Variants in ABCB5 observed in about 807,000 individuals in gnomAD.
ABCB5 encodes ATP binding cassette subfamily B member 5.
ABCB5 carries 155 observed loss-of-function variants against 144.2 expected under a neutral mutation model. The observed-to-expected ratio is 1.08, with a 90% CI of 0.94 to 1.23. The LOEUF (loss-of-function observed/expected upper bound fraction) is 1.23. Among genes scored for constraint, ABCB5 ranks in the 50% most tolerant of loss-of-function variants. ABCB5 has a pLI of 0.00. For missense variants in ABCB5, 1,830 were observed against 1,520.8 expected, an observed-to-expected ratio of 1.20 and a Z score of -3.38; for synonymous variants, 610 against 528.6, an observed-to-expected ratio of 1.15 and a Z score of -2.11.
rs1436496420 is a variant in ABCB5, at chr7:20,681,504, G to C, written c.1708-1G>C. 1 of 1,613,934 alleles carries C rather than the reference G, an allele frequency of 6.2e-7. No individual in the cohort carries two copies. The highest frequency in any genetic ancestry group is 8.5e-7 in the Non-Finnish European group (1 of 1,179,924). Reference sequence around the variant, plus strand: ...TATTTTCTATGCATTTTATTCTGTAGGCGAGCAAAGGTCGGACTACAATCG... The same window carrying C: ...TATTTTCTATGCATTTTATTCTGTACGCGAGCAAAGGTCGGACTACAATCG... On this transcript the variant is annotated splice_acceptor_variant, in intron 14 of 27. Coordinates refer to ENST00000404938, the MANE Select transcript of ABCB5 (RefSeq NM_001163941.2). LOFTEE classifies it high-confidence loss of function.
intron 2 of ABCB5, among the ~76,000 whole-genome samples, chr7:20,623,580 C>G (rs186672378): frequency 3.1e-4 from 47 of 152,250 alleles, no homozygotes; most frequent in African/African-American, 1.1e-3. Flanking sequence ...CTTCAGATAT[C>G]TCCTCTTCTG....
chr7:20,657,018 C>A (rs2128029014), intron 13 of ABCB5, among the ~76,000 whole-genome samples: 1 of 150,654 alleles, frequency 6.6e-6, no homozygotes, highest in South Asian at 2.1e-4. Context: ...GGCTCCCAGG[C>A]TCAGGCAGTC....
chr7:20,735,434 C>G (rs1782352683), intron 23 of ABCB5, among the ~76,000 whole-genome samples: 1 of 152,102 alleles, frequency 6.6e-6, no homozygotes, highest in Non-Finnish European at 1.5e-5. Context: ...GGCTGGGCAG[C>G]CAGGGAAGAA....
In ABCB5 at chr7:20,749,136, T is replaced by G. The variant is rs1782829812; in HGVS notation, c.3429+3698T>G. On this transcript the variant is annotated intron_variant, in intron 26 of 27. Coordinates refer to ENST00000404938, the MANE Select transcript of ABCB5 (RefSeq NM_001163941.2). ...TCCTTTCTCTCTCTCTTTCCCTTTC[T>G]TTTCCTCCCTCCCTCCCTCTCTCTC... Among the ~76,000 whole-genome samples the G allele has an allele frequency of 1.4e-5, 2 of 139,122 alleles. 1 individual carries two copies. The highest frequency in any genetic ancestry group is 4.9e-5 in the African/African-American group (2 of 40,438). 91.3% of individuals were successfully genotyped at this position (139,122 alleles called of 152,430 possible). A position where few individuals can be genotyped will look rare whatever the true frequency, so the allele number is the denominator to read the frequency against.
At chr7:20,668,342 G>A (rs1362588895) in intron 14 of ABCB5, among the ~76,000 whole-genome samples, 5 of 131,308 alleles carry the variant, frequency 3.8e-5, no homozygotes, top group East Asian at 2.5e-4. Flanking sequence ...GCCGCCCATC[G>A]TCTGAGATGT....
chr7:20,659,070 C>A (rs200795180), intron 14 of ABCB5: 6 of 1,613,922 alleles, frequency 3.7e-6, no homozygotes, highest in Non-Finnish European at 5.1e-6. Context: ...CTTTAGGATA[C>A]CCCCAGGTAT....
At position 20,733,182 on chromosome 7, in the gene ABCB5, C is replaced by CATTATT. The variant is rs374670890; in HGVS notation, c.2867+4747_2867+4752dup. On this transcript the variant is annotated intron_variant, in intron 23 of 27. Coordinates refer to ENST00000404938, the MANE Select transcript of ABCB5 (RefSeq NM_001163941.2). Reference sequence around the variant, plus strand: ...CCAGAGGTTTGGTTTACTCAACGTACATTATTATTATTATTATTATTATTA... The same window carrying CATTATT: ...CCAGAGGTTTGGTTTACTCAACGTACATTATTATTATTATTATTATTATTATTATTA... Among the ~76,000 whole-genome samples the CATTATT allele has an allele frequency of 5.9e-3, 896 of 151,098 alleles. 4 individuals are homozygous for CATTATT. Among genetic ancestry groups the CATTATT allele is most frequent in the African/African-American group, 0.021 (848 of 41,180 alleles).
chr7:20,713,357 T>A (rs1400316870), intron 20 of ABCB5, among the ~76,000 whole-genome samples: 1 of 148,992 alleles, frequency 6.7e-6, no homozygotes, highest in Non-Finnish European at 1.5e-5. Flanking sequence ...CTGCCTCAGC[T>A]TTCCATGCAG....
At chr7:20,632,001 A>C (rs756560999) in intron 4 of ABCB5, 58 bp from the exon 5 acceptor site, 1 of 1,186,416 alleles carries the variant, frequency 8.4e-7, no homozygotes, top group Non-Finnish European at 1.2e-6. Flanking sequence ...CTATCTGTGT[A>C]ACAGTGTGAC....
At chr7:20,730,773 T>C (rs895127706) in intron 23 of ABCB5, among the ~76,000 whole-genome samples, 2 of 152,170 alleles carry the variant, frequency 1.3e-5, no homozygotes, top group African/African-American at 2.4e-5. Context: ...ACTCCCAAGC[T>C]TGAAAGTTGG....
In ABCB5 at chr7:20,632,054, T is replaced by A; in HGVS notation, c.260-5T>A. ...CCTCTATATTTTAAATAACCTTTTT[T>A]ACAGCAAATTATCAGAACTGTACTC... On this transcript the variant is annotated splice_polypyrimidine_tract_variant and splice_region_variant and intron_variant, in intron 4 of 27. Coordinates refer to ENST00000404938, the MANE Select transcript of ABCB5 (RefSeq NM_001163941.2). 6.6e-7 allele frequency: 1 copy of A among 1,504,198 alleles called. No individual in the cohort carries two copies. Among genetic ancestry groups the A allele is most frequent in the South Asian group, 1.3e-5 (1 of 77,032 alleles). The allele number at this position is 1,504,198 out of a possible 1,614,324, so 93.2% of individuals were successfully genotyped here.
In ABCB5 at chr7:20,641,352, A is replaced by AAC. The variant is rs111933366; in HGVS notation, c.315-1808_315-1807dup. On this transcript the variant is annotated intron_variant, in intron 5 of 27. Transcript: ENST00000404938. ...AACAAAGATTATTTTATTATTGCAAAACACACACACACACACACACACACA... is the reference window on the plus strand; with the variant it reads ...AACAAAGATTATTTTATTATTGCAAAACACACACACACACACACACACACACA... Among the ~76,000 whole-genome samples the AAC allele has an allele frequency of 2.1e-3, 225 of 108,488 alleles. 1 individual carries two copies. The highest frequency in any genetic ancestry group is 0.02 in the East Asian group (80 of 4,012). The allele number at this position is 108,488 out of a possible 152,430, so 71.2% of individuals were successfully genotyped here. A position where few individuals can be genotyped will look rare whatever the true frequency, so the allele number is the denominator to read the frequency against.
intron 20 of ABCB5, among the ~76,000 whole-genome samples, chr7:20,713,949 T>G (rs1781584320): frequency 7.7e-6 from 1 of 130,072 alleles, no homozygotes; most frequent in Non-Finnish European, 1.7e-5. Flanking sequence ...ATTCTCAGCT[T>G]TGTCTGCTCA....
At chr7:20,633,048 A>G (rs1051606029) in intron 5 of ABCB5, among the ~76,000 whole-genome samples, 14 of 148,926 alleles carry the variant, frequency 9.4e-5, no homozygotes, top group African/African-American at 3.5e-4. Context: ...AGAAAATTCT[A>G]TTTCTTTAAA....
chr7:20,682,449 G>C (rs925535075), intron 15 of ABCB5, among the ~76,000 whole-genome samples: 7 of 152,280 alleles, frequency 4.6e-5, no homozygotes, highest in East Asian at 1.9e-4. Context: ...AGGTTAAAAG[G>C]TGGGAGTTGG....
At chr7:20,661,849 T>C (rs547229838) in intron 14 of ABCB5, among the ~76,000 whole-genome samples, 2 of 152,254 alleles carry the variant, frequency 1.3e-5, no homozygotes, top group South Asian at 2.1e-4. Flanking sequence ...GAAATGTTCT[T>C]TTCTGGACTC....
chr7:20,654,728 A>G (rs536029042), intron 13 of ABCB5, among the ~76,000 whole-genome samples: 202 of 152,334 alleles, frequency 1.3e-3, no homozygotes, highest in African/African-American at 4.7e-3. Context: ...AAGAATATAT[A>G]TCTCAAAAAA....
chr7:20,690,496 C>T (rs1378020176), intron 16 of ABCB5, among the ~76,000 whole-genome samples: 2 of 152,060 alleles, frequency 1.3e-5, no homozygotes, highest in Non-Finnish European at 1.5e-5. Context: ...AAGGAGTCCA[C>T]GAAATAAAAC....
chr7:20,649,464 C>T, intron 11 of ABCB5, among the ~76,000 whole-genome samples: 1 of 152,146 alleles, frequency 6.6e-6, no homozygotes, highest in East Asian at 1.9e-4. Context: ...GTCCCTGGCA[C>T]ACTAAATGCT....
Sources: allele counts gnomAD v4.1 joint callset (sites outside exome capture counted in the v4.1 genomes callset), GRCh38; gene constraint gnomAD v4.1.1; transcripts MANE v1.5; gene names NCBI Gene and HGNC (gene_info 2026-07-23, HGNC 2026-07-21).